The following AP3B1 variants were observed in gnomAD, a reference collection of about 807,000 sequenced individuals.
AP3B1 encodes the protein AP-3 complex subunit beta-1.
In AP3B1, 61 loss-of-function variants were observed where a neutral mutation model predicts 132.5. The ratio of observed to expected loss-of-function variants is 0.46; its 90% CI spans 0.37 to 0.57. AP3B1 has a LOEUF of 0.57. AP3B1 is among the 20% of genes least tolerant of loss of function. The probability of loss-of-function intolerance (pLI) is 0.00; values close to 1 mark genes in which losing one functional copy is unlikely to be tolerated. For synonymous variants in AP3B1, 388 were observed against 438.3 expected (o/e 0.89, Z 1.43); for missense variants, 1,120 against 1,289.4 (o/e 0.87, Z 2.01).
chr5:78,074,746 C>T (rs1480610807), intron 22 of AP3B1, among the ~76,000 whole-genome samples: 1 of 152,104 alleles, frequency 6.6e-6, no homozygotes, highest in Non-Finnish European at 1.5e-5. Flanking sequence ...GTTAGGAGTT[C>T]GAGACCAGCC....
chr5:78,167,404 T>C (rs949688983), intron 11 of AP3B1, among the ~76,000 whole-genome samples: 5 of 152,064 alleles, frequency 3.3e-5, no homozygotes, highest in East Asian at 1.9e-4. Flanking sequence ...CGTAAACTAG[T>C]ACAACCACTA....
chr5:78,150,563 G>A (rs1400291961), intron 14 of AP3B1, among the ~76,000 whole-genome samples: 2 of 152,116 alleles, frequency 1.3e-5, no homozygotes, highest in East Asian at 3.8e-4. Flanking sequence ...AAGATAGAAT[G>A]ACAAACACAT....
intron 2 of AP3B1, among the ~76,000 whole-genome samples, chr5:78,261,513 T>G (rs112376428): frequency 2.0e-5 from 3 of 152,348 alleles, no homozygotes; most frequent in African/African-American, 7.2e-5. Flanking sequence ...TCACCCAGGC[T>G]GCAGTGCAAT....
At chr5:78,153,042 T>C (rs188421664) in intron 14 of AP3B1, among the ~76,000 whole-genome samples, 1 of 152,358 alleles carries the variant, frequency 6.6e-6, no homozygotes, top group East Asian at 1.9e-4. Context: ...TGTATATATC[T>C]ATTAGATCCA....
intron 11 of AP3B1, among the ~76,000 whole-genome samples, chr5:78,166,455 C>A (rs186527330): frequency 7.9e-5 from 12 of 152,210 alleles, no homozygotes; most frequent in Admixed American, 2.0e-4. Context: ...CCAATTAATT[C>A]TTTTGATTTG....
At chr5:78,159,601 T>C (rs772465374) in intron 13 of AP3B1, among the ~76,000 whole-genome samples, 2 of 152,192 alleles carry the variant, frequency 1.3e-5, no homozygotes, top group African/African-American at 2.4e-5. Flanking sequence ...TGCGTCTCTC[T>C]TTCCCTTATA....
chr5:78,204,543 C>G (rs1000262643), intron 7 of AP3B1, among the ~76,000 whole-genome samples: 4 of 152,208 alleles, frequency 2.6e-5, no homozygotes, highest in African/African-American at 9.6e-5. Context: ...CTCCCTTATT[C>G]CCCAAAGCAT....
intron 22 of AP3B1, among the ~76,000 whole-genome samples, chr5:78,065,121 A>G (rs1232760781): frequency 6.6e-6 from 1 of 152,162 alleles, no homozygotes; most frequent in Non-Finnish European, 1.5e-5. Context: ...ACCCCCAGCC[A>G]AGGGAGGTGG....
chr5:78,046,281 T>G (rs952939169), intron 22 of AP3B1, among the ~76,000 whole-genome samples: 3 of 152,182 alleles, frequency 2.0e-5, no homozygotes, highest in African/African-American at 4.8e-5. Flanking sequence ...AGCAGTGGCA[T>G]TAGATCCTCA....
intron 22 of AP3B1, among the ~76,000 whole-genome samples, chr5:78,052,983 A>T (rs920744447): frequency 6.6e-6 from 1 of 152,250 alleles, no homozygotes; most frequent in Non-Finnish European, 1.5e-5. Context: ...TGAAGTTCTC[A>T]GTAACTGGTT....
At chr5:78,209,422 G>A (rs1475809953) in intron 7 of AP3B1, among the ~76,000 whole-genome samples, 2 of 152,116 alleles carry the variant, frequency 1.3e-5, no homozygotes, top group Non-Finnish European at 2.9e-5. Flanking sequence ...CCGTTCTATT[G>A]ATTCCAGGTC....
At chr5:78,238,980 A>G (rs1044128243) in intron 3 of AP3B1, among the ~76,000 whole-genome samples, 1 of 150,996 alleles carries the variant, frequency 6.6e-6, no homozygotes, top group African/African-American at 2.4e-5. Flanking sequence ...AAAAATGATA[A>G]TAAAAAGAAA....
chr5:78,255,921 T>C (rs2112543406), intron 2 of AP3B1, among the ~76,000 whole-genome samples: 2 of 152,026 alleles, frequency 1.3e-5, no homozygotes, highest in Middle Eastern at 6.8e-3. Context: ...AAACTAGAAA[T>C]TAATAACAAA....
At position 78,084,543 on chromosome 5, in the gene AP3B1, A is replaced by AAAAG. The variant is rs1413819817; in HGVS notation, c.2577+4846_2577+4849dup. On this transcript the variant is annotated intron_variant, in intron 22 of 26. Transcript: ENST00000255194. ...TGTCAAAAAAAAAAAAAAAAAAAAAAAAAGAAAAGAAGAGAAAAGGAAGAG... is the reference window on the plus strand; with the variant it reads ...TGTCAAAAAAAAAAAAAAAAAAAAAAAAAGAAAGAAAAGAAGAGAAAAGGAAGAG... Among the ~76,000 whole-genome samples the AAAAG allele has an allele frequency of 8.1e-5, 12 of 147,590 alleles. 1 individual carries two copies. The highest frequency in any genetic ancestry group is 3.0e-4 in the African/African-American group (12 of 40,062).
rs760360560 is a variant in AP3B1 at position 78,100,996 on chromosome 5, T to C, written c.2427A>G (p.Arg809=). 7.7e-6 allele frequency: 12 copies of C among 1,552,002 alleles called. No individual in the cohort carries two copies. In the South Asian group the frequency reaches 1.3e-4, roughly 16 times the overall value. The change falls in exon 21 of 27, where the codon AGA becomes AGG. Residue 809 remains arginine (R), a synonymous_variant. Coordinates refer to ENST00000255194, the MANE Select transcript of AP3B1 (RefSeq NM_003664.5). ...KEKEKKTKQD[R]TPLTKDVSLL... is the part of the protein sequence containing the mutation. The stretch of plus-strand genomic sequence containing the variant: ...GTGAAACATCTTTGGTAAGAGGAGT[T>C]CTATCTTGCTTTGTTTTCTTTTCTT...
At chr5:78,004,030 CT>C (rs1318222270) in intron 26 of AP3B1, among the ~76,000 whole-genome samples, 8 of 152,274 alleles carry the variant, frequency 5.3e-5, no homozygotes, top group South Asian at 2.1e-4. Flanking sequence ...AACAAAGTTG[CT>C]GCACATGAGC....
chr5:78,062,443 A>G (rs1307734251), intron 22 of AP3B1, among the ~76,000 whole-genome samples: 1 of 152,232 alleles, frequency 6.6e-6, no homozygotes, highest in African/African-American at 2.4e-5. Context: ...GTATTCTAAA[A>G]TTACTAACAC....
intron 7 of AP3B1, among the ~76,000 whole-genome samples, chr5:78,188,053 C>T (rs1021722248): frequency 2.0e-5 from 3 of 152,132 alleles, no homozygotes; most frequent in Non-Finnish European, 4.4e-5. Flanking sequence ...AAACTGGATC[C>T]CTTCCTTACA....
chr5:78,158,319 T>C (rs552067786), intron 13 of AP3B1, among the ~76,000 whole-genome samples: 7 of 151,432 alleles, frequency 4.6e-5, no homozygotes, highest in Non-Finnish European at 7.4e-5. Flanking sequence ...TAGCCAGGAG[T>C]TGTGGCACGT....
Sources: gnomAD v4.1 joint callset for allele counts (sites outside exome capture counted in the v4.1 genomes callset) on GRCh38, gnomAD v4.1.1 for gene constraint, MANE v1.5 for transcripts, NCBI Gene and HGNC (gene_info 2026-07-23, HGNC 2026-07-21) for gene names.